CLSTN2: variants seen among roughly 807,000 people sequenced by gnomAD.
CLSTN2 encodes the protein calsyntenin 2, also known as calsyntenin-2.
Under a neutral mutation model 101.2 loss-of-function variants are expected in CLSTN2, and 48 were observed. The observed-to-expected ratio is 0.47, with a 90% CI of 0.38 to 0.60. The LOEUF is 0.60. CLSTN2 is among the 20% of genes least tolerant of loss of function. The pLI is 0.00. For synonymous variants in CLSTN2, 481 were observed against 463.6 expected (o/e 1.04, Z -0.48); for missense variants, 1,160 against 1,238.2 (o/e 0.94, Z 0.95).
intron 2 of CLSTN2, among the ~76,000 whole-genome samples, chr3:140,312,256 AAACT>A (rs2087176285): frequency 6.6e-6 from 1 of 152,246 alleles, no homozygotes. Flanking sequence ...CAGTTACACA[AAACT>A]AAGCGACTTC....
At chr3:140,185,830 G>T (rs1185452329) in intron 2 of CLSTN2, among the ~76,000 whole-genome samples, 2 of 152,178 alleles carry the variant, frequency 1.3e-5, no homozygotes, top group Non-Finnish European at 2.9e-5. Flanking sequence ...GCCCAGATGG[G>T]AGGGAGTGTG....
At chr3:140,261,573 A>G (rs2086654433) in intron 2 of CLSTN2, among the ~76,000 whole-genome samples, 1 of 151,110 alleles carries the variant, frequency 6.6e-6, no homozygotes, top group Admixed American at 6.6e-5. Flanking sequence ...GGTATTAGAA[A>G]CCAAGAGCTG....
At chr3:140,080,507 T>G (rs1431801817) in intron 1 of CLSTN2, among the ~76,000 whole-genome samples, 1 of 152,082 alleles carries the variant, frequency 6.6e-6, no homozygotes, top group Non-Finnish European at 1.5e-5. Flanking sequence ...CCTGTTTGGG[T>G]TCATATTTAT....
intron 2 of CLSTN2, among the ~76,000 whole-genome samples, chr3:140,343,380 GA>G (rs1452342478): frequency 6.6e-6 from 1 of 152,194 alleles, no homozygotes; most frequent in Non-Finnish European, 1.5e-5. Context: ...TATGCCTTAA[GA>G]AAGCTCATTT....
intron 8 of CLSTN2, among the ~76,000 whole-genome samples, chr3:140,511,800 G>A (rs1438678791): frequency 2.7e-5 from 4 of 150,582 alleles, no homozygotes; most frequent in Admixed American, 1.3e-4. Flanking sequence ...CTCGTGATCC[G>A]CCTGCCTCTG....
intron 8 of CLSTN2, among the ~76,000 whole-genome samples, chr3:140,471,911 G>A (rs577693096): frequency 1.8e-4 from 27 of 152,288 alleles, no homozygotes; most frequent in African/African-American, 6.0e-4. Context: ...ATATTCTGCA[G>A]TCCACCTTTA....
At chr3:140,247,702 G>T (rs1262604807) in intron 2 of CLSTN2, among the ~76,000 whole-genome samples, 1 of 152,148 alleles carries the variant, frequency 6.6e-6, no homozygotes, top group Non-Finnish European at 1.5e-5. Flanking sequence ...CAGAGTGTGA[G>T]GGCAGTGTGG....
chr3:140,076,625 G>GTTTTTT (rs35645750), intron 1 of CLSTN2, among the ~76,000 whole-genome samples: 2,449 of 38,040 alleles, frequency 0.064, 405 homozygotes, highest in East Asian at 0.16. Context: ...CACCAGCAGT[G>GTTTTTT]TTTTTTTTTT....
chr3:140,210,608 A>C (rs2010842987), intron 2 of CLSTN2, among the ~76,000 whole-genome samples: 1 of 152,198 alleles, frequency 6.6e-6, no homozygotes, highest in South Asian at 2.1e-4. Flanking sequence ...TGCTTAAGGA[A>C]ACATCAAGCT....
rs1227608035 is a variant in CLSTN2, at chr3:140,135,085, AAAACACACAC to A, written c.110-40864_110-40855del. On this transcript the variant is annotated intron_variant, in intron 1 of 16. Coordinates refer to ENST00000458420, the MANE Select transcript of CLSTN2 (RefSeq NM_022131.3). ...ATAGTCCAGGGTGATGCCTCTCAAA[AAAACACACAC>A]ACACACACACACACACACACACATA... 4.0e-4 allele frequency among the ~76,000 whole-genome samples: 10 copies of A among 25,046 alleles called. 1 individual carries two copies. Among genetic ancestry groups the A allele is most frequent in the African/African-American group, 4.4e-4 (4 of 9,116 alleles). 16.4% of individuals were successfully genotyped at this position (25,046 alleles called of 152,430 possible). A position where few individuals can be genotyped will look rare whatever the true frequency, so the allele number is the denominator to read the frequency against.
At chr3:140,240,225 T>C (rs201500775) in intron 2 of CLSTN2, among the ~76,000 whole-genome samples, 3 of 26,608 alleles carry the variant, frequency 1.1e-4, no homozygotes, top group African/African-American at 1.4e-4. Context: ...CACACACATA[T>C]ATATATATGC....
chr3:140,559,274 T>C (rs1181883192), intron 12 of CLSTN2, among the ~76,000 whole-genome samples: 1 of 152,150 alleles, frequency 6.6e-6, no homozygotes, highest in Non-Finnish European at 1.5e-5. Context: ...TTCCCTTCCC[T>C]TTCTGTAATT....
chr3:140,548,208 G>A (rs1465170480), intron 10 of CLSTN2, among the ~76,000 whole-genome samples: 1 of 152,190 alleles, frequency 6.6e-6, no homozygotes, highest in Non-Finnish European at 1.5e-5. Flanking sequence ...TTATAGGCTA[G>A]TTTCTGAGAT....
intron 1 of CLSTN2, among the ~76,000 whole-genome samples, chr3:140,071,121 T>C (rs1194259730): frequency 2.6e-5 from 4 of 151,968 alleles, no homozygotes; most frequent in Admixed American, 1.3e-4. Context: ...AGTGCAGAAA[T>C]AGGTACAAAT....
At chr3:140,427,219 A>ATT in intron 5 of CLSTN2, among the ~76,000 whole-genome samples, 1 of 90,084 alleles carries the variant, frequency 1.1e-5, no homozygotes, top group Middle Eastern at 5.0e-3. Context: ...ATATATATAT[A>ATT]TATATGTGTG....
At chr3:140,010,056 C>A (rs2007040097) in intron 1 of CLSTN2, among the ~76,000 whole-genome samples, 2 of 152,168 alleles carry the variant, frequency 1.3e-5, no homozygotes, top group African/African-American at 2.4e-5. Context: ...ATCCATAACA[C>A]CTACACTTCT....
intron 2 of CLSTN2, among the ~76,000 whole-genome samples, chr3:140,279,443 GT>G (rs1559827270): frequency 6.6e-6 from 1 of 152,224 alleles, no homozygotes. Flanking sequence ...CTGCCAAAAG[GT>G]GTTACATTGA....
intron 8 of CLSTN2, among the ~76,000 whole-genome samples, chr3:140,489,898 A>G (rs1934309191): frequency 6.6e-6 from 1 of 150,836 alleles, no homozygotes. Flanking sequence ...TTCTTTTGCC[A>G]GAGAAATAGT....
At chr3:140,016,694 G>T (rs2007208012) in intron 1 of CLSTN2, among the ~76,000 whole-genome samples, 1 of 146,382 alleles carries the variant, frequency 6.8e-6, no homozygotes, top group Non-Finnish European at 1.5e-5. Context: ...AGCTACTCAA[G>T]AGGCTGAGGC....
Sources: gnomAD v4.1 joint callset for allele counts (sites outside exome capture counted in the v4.1 genomes callset) on GRCh38, gnomAD v4.1.1 for gene constraint, MANE v1.5 for transcripts, NCBI Gene and HGNC (gene_info 2026-07-23, HGNC 2026-07-21) for gene names.